Variants in GCN1 observed in about 807,000 individuals in gnomAD.
GCN1 encodes the protein GCN1 activator of EIF2AK4, also known as stalled ribosome sensor GCN1.
In GCN1, 90 loss-of-function variants were observed where a neutral mutation model predicts 288.4. The ratio of observed to expected loss-of-function variants is 0.31; its 90% confidence interval spans 0.26 to 0.37. The LOEUF is 0.37. Among genes scored for constraint, GCN1 ranks in the 10% least tolerant of loss-of-function variants. The pLI, the probability that GCN1 is intolerant of heterozygous loss-of-function variation, is 1.00. For synonymous variants in GCN1, 1,386 were observed against 1,420.2 expected (o/e 0.98, Z 0.54); for missense variants, 2,586 against 3,419.9 (o/e 0.76, Z 6.08).
rs1268790703 is a variant in GCN1 at position 120,150,579 on chromosome 12, C to CA, written c.4310-537dup. Among the ~76,000 whole-genome samples, 168 of 137,092 alleles carry CA rather than the reference C, an allele frequency of 1.2e-3. 3 individuals are homozygous for CA. Among genetic ancestry groups the CA allele is most frequent in the African/African-American group, 7.0e-4 (26 of 36,912 alleles). 89.9% of individuals were successfully genotyped at this position (137,092 alleles called of 152,430 possible). On this transcript the variant is annotated intron_variant, in intron 34 of 57. Transcript: ENST00000300648. ...CTGGAGACAGAGTGGGACTCCATCT[C>CA]AAAAAAAAAAGAAAGAAAGAAAGAA...
chr12:120,138,384 T>G lies in GCN1; in HGVS notation c.6188A>C (p.Asp2063Ala). The G allele has an allele frequency of 6.2e-7, 1 of 1,611,586 alleles. No individual in the cohort carries two copies. Among genetic ancestry groups the G allele is most frequent in the Non-Finnish European group, 8.5e-7 (1 of 1,177,724 alleles). ...DDEEVSEFAL[D>A]GLKQVMAIKS... Reference sequence around the variant, plus strand: ...AATAGCCATGACTTGCTTCAGACCATCCAAGGCAAACTCTGACACCTCCTC... The same window carrying G: ...AATAGCCATGACTTGCTTCAGACCAGCCAAGGCAAACTCTGACACCTCCTC... The change falls in exon 47 of 58, where the codon GAT becomes GCT. Residue 2063 changes from aspartate (D) to alanine (A), a missense_variant. Around this residue, in one of 8 missense-constraint regions of GCN1, gnomAD observed 437 missense variants for 570.5 expected, o/e 0.77. Transcript: ENST00000300648.
chr12:120,184,676 G>A (rs929812516), intron 3 of GCN1, 148 bp downstream of exon 3: 1 of 683,622 alleles, frequency 1.5e-6, no homozygotes, highest in Non-Finnish European at 2.6e-6. Flanking sequence ...GAGAGGTTAA[G>A]TAACTTGCCC....
At position 120,153,456 on chromosome 12, in the gene GCN1, T is replaced by G; in HGVS notation, c.3868-49A>C. 6.6e-7 allele frequency: 1 copy of G among 1,519,068 alleles called. No homozygotes were observed. The highest frequency in any genetic ancestry group is 9.1e-7 in the Non-Finnish European group (1 of 1,104,740). The allele number at this position is 1,519,068 out of a possible 1,614,324, so 94.1% of individuals were successfully genotyped here. A position where few individuals can be genotyped will look rare whatever the true frequency, so the allele number is the denominator to read the frequency against. ...CCTCAGGTCAACCCTACAGGCTGCA[T>G]CTGGGGACAACAGTCCCTGCCCTGA... On this transcript the variant is annotated intron_variant, in intron 32 of 57. Transcript: ENST00000300648. This position sits in a 1 kb window ranked among gnomAD's most constrained non-coding sequence, Gnocchi z 4.4.
chr12:120,158,365 A>C lies in GCN1; in HGVS notation c.2905+95T>G, dbSNP rs1594273804. On this transcript the variant is annotated intron_variant, in intron 25 of 57. Coordinates refer to ENST00000300648, the MANE Select transcript of GCN1 (RefSeq NM_006836.2). This position sits in a 1 kb window ranked among gnomAD's most constrained non-coding sequence, Gnocchi z 4.3. ...AATCCTCCATATGGTCCAATCCCCC[A>C]GGCTCAGGAGGCCCTGGGTGACGCT... 5 of 1,062,346 alleles carry C rather than the reference A, an allele frequency of 4.7e-6. No individual in the cohort carries two copies. The Admixed American group carries it at 1.1e-4, about 23-fold the overall frequency. 65.8% of individuals were successfully genotyped at this position (1,062,346 alleles called of 1,614,324 possible). A position where few individuals can be genotyped will look rare whatever the true frequency, so the allele number is the denominator to read the frequency against.
At chr12:120,146,038 G>A (rs1011919841) in intron 38 of GCN1, among the ~76,000 whole-genome samples, 12 of 152,042 alleles carry the variant, frequency 7.9e-5, no homozygotes, top group Non-Finnish European at 1.3e-4. Flanking sequence ...AAGTCGAGGC[G>A]GGTGGATCAC....
intron 14 of GCN1, among the ~76,000 whole-genome samples, chr12:120,172,506 T>C (rs1000667951): frequency 6.6e-6 from 1 of 152,168 alleles, no homozygotes; most frequent in Non-Finnish European, 1.5e-5. Flanking sequence ...TGGAATCTCC[T>C]AGATGTTTCT....
rs551187744 is a variant in GCN1, at chr12:120,137,459, G to A, written c.6663+86C>T. 28 of 1,482,254 alleles carry A rather than the reference G, an allele frequency of 1.9e-5. No homozygotes were observed. The highest frequency in any genetic ancestry group is 1.2e-4 in the South Asian group (10 of 86,108). 91.8% of individuals were successfully genotyped at this position (1,482,254 alleles called of 1,614,324 possible). A position where few individuals can be genotyped will look rare whatever the true frequency, so the allele number is the denominator to read the frequency against. ...AACGCCGAAGCTGAGTGACAGGTACGTGGGGGATTCTTATAAGTCTATTCC... is the reference window on the plus strand; with the variant it reads ...AACGCCGAAGCTGAGTGACAGGTACATGGGGGATTCTTATAAGTCTATTCC... On this transcript the variant is annotated intron_variant, in intron 49 of 57. Transcript: ENST00000300648. The surrounding 1 kb of genome is among the most constrained non-coding windows in gnomAD (Gnocchi z 5.2).
rs138715871 is a variant in GCN1 at position 120,139,321 on chromosome 12, T to A, written c.5995-465A>T. On this transcript the variant is annotated intron_variant, in intron 45 of 57. Coordinates refer to ENST00000300648, the MANE Select transcript of GCN1 (RefSeq NM_006836.2). ...TGAGATTGTCTTAAACTAAAAATTT[T>A]AAAAAAATTAAAAAGTAGAGAGGGG... Among the ~76,000 whole-genome samples, 220 of 151,354 alleles carry A rather than the reference T, an allele frequency of 1.5e-3. No individual in the cohort carries two copies. In the East Asian group the frequency reaches 0.016, roughly 11 times the overall value.
intron 14 of GCN1, among the ~76,000 whole-genome samples, chr12:120,173,080 GAC>G (rs1878361514): frequency 7.6e-6 from 1 of 132,042 alleles, no homozygotes; most frequent in Admixed American, 8.0e-5. Context: ...TTTTTTCCAA[GAC>G]AGAGTCTTGC....
rs955754412 is a variant in GCN1, at chr12:120,148,299, G to A, written c.4594C>T (p.Leu1532=). ...GAMAYCAPKQ[L]SSCLPNIVPK... is the part of the protein sequence containing the mutation. ...ACAATGTTGGGTAGACAGGATGACAGCTGCTTAGGAGCACAGTACGCCATT... is the reference window on the plus strand; with the variant it reads ...ACAATGTTGGGTAGACAGGATGACAACTGCTTAGGAGCACAGTACGCCATT... Residue 1532 remains leucine, a synonymous_variant, in exon 37 of 58, where the codon CTG becomes TTG. Coordinates refer to ENST00000300648, the MANE Select transcript of GCN1 (RefSeq NM_006836.2). 1 of 1,614,060 alleles carries A rather than the reference G, an allele frequency of 6.2e-7. No homozygotes were observed. Among genetic ancestry groups the A allele is most frequent in the Non-Finnish European group, 8.5e-7 (1 of 1,179,944 alleles).
In GCN1 at chr12:120,136,683, C is replaced by A; in HGVS notation, c.6827G>T (p.Ser2276Ile). Residue 2276 changes from serine (S) to isoleucine (I), a missense_variant, in exon 51 of 58, where the codon AGC (serine) becomes ATC (isoleucine). This residue lies in a region of GCN1 where 437 missense variants were observed against 570.5 expected (regional missense o/e 0.77). Coordinates refer to ENST00000300648, the MANE Select transcript of GCN1 (RefSeq NM_006836.2). ...PVLREGVLTGSPEQKEEAAKA... is the reference protein window; with the variant it reads ...PVLREGVLTGIPEQKEEAAKA... ...GGCTGCCTCCTCCTTCTGCTCAGGG[C>A]TGCCAGTCAGGACTCCTTCCCGCAA... 1.2e-6 allele frequency: 2 copies of A among 1,614,044 alleles called. No individual in the cohort carries two copies. The highest frequency in any genetic ancestry group is 8.5e-7 in the Non-Finnish European group (1 of 1,180,028).
intron 15 of GCN1, among the ~76,000 whole-genome samples, chr12:120,169,828 A>C (rs1183493958): frequency 6.6e-6 from 1 of 152,238 alleles, no homozygotes; most frequent in Non-Finnish European, 1.5e-5. Context: ...GACAGGGCTA[A>C]GGGGAAGCTT....
rs768475882 is a variant in GCN1, at chr12:120,155,726, G to T, written c.3313-7C>A. Reference sequence around the variant, plus strand: ...TGTGGAGTTCCATCAGCCCCTGGAAGGGGTGGGATTGGACCGTGTGAGGCA... The same window carrying T: ...TGTGGAGTTCCATCAGCCCCTGGAATGGGTGGGATTGGACCGTGTGAGGCA... On this transcript the variant is annotated splice_region_variant and splice_polypyrimidine_tract_variant and intron_variant, in intron 28 of 57. Coordinates refer to ENST00000300648, the MANE Select transcript of GCN1 (RefSeq NM_006836.2). This position sits in a 1 kb window ranked among gnomAD's most constrained non-coding sequence, Gnocchi z 4.9. 4.3e-6 allele frequency: 7 copies of T among 1,613,766 alleles called. No individual in the cohort carries two copies. Among genetic ancestry groups the T allele is most frequent in the Non-Finnish European group, 5.1e-6 (6 of 1,179,946 alleles).
In GCN1 at chr12:120,158,005, G is replaced by T. The variant is rs145879715; in HGVS notation, c.2931C>A (p.Ala977=). ...TCAGAAACGGGAAGACTAAGGAGAA[G>T]GCTGGCGCGGACAAGGGCGCAGCAC... ...EPGAAPLSAP[A]FSLVFPFLKM... is the part of the protein sequence containing the mutation. The change falls in exon 26 of 58, where the codon GCC becomes GCA. Residue 977 remains alanine (A), a synonymous_variant. Coordinates refer to ENST00000300648, the MANE Select transcript of GCN1 (RefSeq NM_006836.2). The surrounding 1 kb of genome is among the most constrained non-coding windows in gnomAD (Gnocchi z 4.3). 1.2e-6 allele frequency: 2 copies of T among 1,613,950 alleles called. No individual in the cohort carries two copies. Among genetic ancestry groups the T allele is most frequent in the African/African-American group, 2.7e-5 (2 of 75,080 alleles).
intron 4 of GCN1, 54 bp from the exon 5 acceptor site, chr12:120,183,731 G>A (rs993850682): frequency 3.8e-6 from 4 of 1,057,096 alleles, no homozygotes; most frequent in Non-Finnish European, 5.9e-6. Context: ...CCTTGAGGAC[G>A]AACACTGTCC....
At chr12:120,149,240 G>A (rs1183420446) in intron 36 of GCN1, among the ~76,000 whole-genome samples, 1 of 152,054 alleles carries the variant, frequency 6.6e-6, no homozygotes, top group Non-Finnish European at 1.5e-5. Flanking sequence ...AGGGAGAGCT[G>A]GCCAGGCGTG....
At chr12:120,170,056 G>A in intron 15 of GCN1, 113 bp downstream of exon 15, 1 of 887,260 alleles carries the variant, frequency 1.1e-6, no homozygotes, top group Non-Finnish European at 1.8e-6. Context: ...GCAAACCTGT[G>A]GCTGATCCAG....
Position 120,168,269 on chromosome 12 carries a change from A to T in GCN1, c.1551T>A (p.Ile517=), listed in dbSNP as rs751075045. Residue 517 remains isoleucine (I), a synonymous_variant, in exon 16 of 58, where the codon ATT becomes ATA. Transcript: ENST00000300648. ...EAKLSSFWQL[I]VDEKKQVFTS... Reference sequence around the variant, plus strand: ...TGAAAACCTGCTTTTTCTCATCCACAATCAACTGCCAGAAACTGCTCAGTT... The same window carrying T: ...TGAAAACCTGCTTTTTCTCATCCACTATCAACTGCCAGAAACTGCTCAGTT... 23 of 1,609,734 alleles carry T rather than the reference A, an allele frequency of 1.4e-5. No individual in the cohort carries two copies. The East Asian group carries it at 2.7e-4, about 19-fold the overall frequency.
Position 120,142,443 on chromosome 12 carries a change from GC to G in GCN1, c.5829+63del. The G allele has an allele frequency of 8.1e-7, 1 of 1,230,920 alleles. No individual in the cohort carries two copies. The highest frequency in any genetic ancestry group is 1.5e-5 in the African/African-American group (1 of 67,598). 76.2% of individuals were successfully genotyped at this position (1,230,920 alleles called of 1,614,324 possible). On this transcript the variant is annotated intron_variant, in intron 44 of 57. Transcript: ENST00000300648. The surrounding 1 kb of genome is among the most constrained non-coding windows in gnomAD (Gnocchi z 4.9). ...TACTTTCCCAGGCTCTGCAGACCCA[GC>G]CTTCTAGGCTCTGAAAGGAGGCACT...
Sources: gnomAD v4.1 joint callset for allele counts (sites outside exome capture counted in the v4.1 genomes callset) on GRCh38, gnomAD v4.1.1 for gene constraint, gnomAD v4.1.1 regional missense constraint, Gnocchi (gnomAD v3.1) non-coding constraint, MANE v1.5 for transcripts, NCBI Gene and HGNC (gene_info 2026-07-23, HGNC 2026-07-21) for gene names.